The following TNFSF15 variants were observed in gnomAD, a reference collection of about 807,000 sequenced individuals.
TNFSF15 encodes the protein tumor necrosis factor ligand superfamily member 15.
A neutral mutation model predicts 26.4 loss-of-function variants in TNFSF15; 15 were observed. The ratio of observed to expected loss-of-function variants is 0.57; its 90% CI spans 0.38 to 0.87. TNFSF15 has a LOEUF of 0.87. TNFSF15 is among the 40% of genes least tolerant of loss of function. TNFSF15 has a pLI of 0.00. For synonymous variants in TNFSF15, 116 were observed against 115.0 expected (o/e 1.01, Z -0.06); for missense variants, 290 against 306.1 (o/e 0.95, Z 0.39).
Position 114,790,908 on chromosome 9 carries a change from T to A in TNFSF15, c.302-2A>T, listed in dbSNP as rs1829587808. 1.2e-6 allele frequency: 2 copies of A among 1,613,590 alleles called. No homozygotes were observed. Among genetic ancestry groups the A allele is most frequent in the African/African-American group, 1.3e-5 (1 of 74,900 alleles). ...GCTGTGTGGGAGTTTGTCTCACAAC[T>A]GGAAAGACAAGAAAGAGGATTAATT... is the stretch of plus-strand genomic sequence containing the variant. On this transcript the variant is annotated splice_acceptor_variant, in intron 3 of 3. Transcript: ENST00000374045. LOFTEE classifies it high-confidence loss of function.
chr9:114,801,434 A>G (rs1177961153), intron 1 of TNFSF15, among the ~76,000 whole-genome samples: 1 of 152,194 alleles, frequency 6.6e-6, no homozygotes, highest in African/African-American at 2.4e-5. Flanking sequence ...GAGAGAGCTC[A>G]TAAACATGGA....
Position 114,788,037 on chromosome 9 carries a change from T to C in TNFSF15, c.*2415A>G, listed in dbSNP as rs932403736. ...AGCTGCTTGGTGCTCTCACGCACCA[T>C]GAAGACCGGTTCAGAAAGAACATTT... is the stretch of plus-strand genomic sequence containing the variant. On this transcript the variant is annotated 3_prime_UTR_variant, in exon 4 of 4. Transcript: ENST00000374045. 2.6e-5 allele frequency: 4 copies of C among 153,732 alleles called. No homozygotes were observed. Among genetic ancestry groups the C allele is most frequent in the Non-Finnish European group, 5.9e-5 (4 of 68,048 alleles). The allele number at this position is 153,732 out of a possible 1,614,324, so 9.5% of individuals were successfully genotyped here.
intron 2 of TNFSF15, chr9:114,792,668 C>T: frequency 8.5e-7 from 1 of 1,182,550 alleles, no homozygotes; most frequent in Non-Finnish European, 1.2e-6. Flanking sequence ...GAGTCTTGAA[C>T]ACAAATGAAT....
chr9:114,798,680 A>T (rs56339337), intron 1 of TNFSF15, among the ~76,000 whole-genome samples: 2 of 152,094 alleles, frequency 1.3e-5, no homozygotes, highest in Non-Finnish European at 2.9e-5. Context: ...TTGGGATCTG[A>T]ACCTTTAGAC....
intron 3 of TNFSF15, chr9:114,792,123 A>T (rs1298770539): frequency 2.3e-6 from 1 of 430,168 alleles, no homozygotes; most frequent in Non-Finnish European, 4.2e-6. Context: ...TGCTTATTGC[A>T]GCACTATTCA....
intron 1 of TNFSF15, among the ~76,000 whole-genome samples, chr9:114,802,593 TG>T (rs1212738428): frequency 6.6e-6 from 1 of 152,176 alleles, no homozygotes; most frequent in African/African-American, 2.4e-5. Context: ...AAGCATGCTG[TG>T]TTAGCTCTCT....
intron 1 of TNFSF15, among the ~76,000 whole-genome samples, chr9:114,803,690 G>T (rs1053086241): frequency 5.3e-5 from 8 of 152,188 alleles, no homozygotes; most frequent in African/African-American, 1.9e-4. Flanking sequence ...GGTGGGGGAT[G>T]GGGGAGCAGT....
chr9:114,793,527 A>T lies in TNFSF15; in HGVS notation c.252T>A (p.Val84=). The T allele has an allele frequency of 6.2e-7, 1 of 1,613,866 alleles. No individual in the cohort carries two copies. The highest frequency in any genetic ancestry group is 8.5e-7 in the Non-Finnish European group (1 of 1,179,778). The change falls in exon 2 of 4, where the codon GTT becomes GTA. Residue 84 remains valine, a splice_region_variant and synonymous_variant. Coordinates refer to ENST00000374045, the MANE Select transcript of TNFSF15 (RefSeq NM_005118.4). ...GQEFAPSHQQ[V]YAPLRADGDK... is the part of the protein sequence containing the mutation. ...GGCGTTGAAGATGAGCATACTTACAAACTTGCTGATGTGAAGGTGCAAACT... is the reference window on the plus strand; with the variant it reads ...GGCGTTGAAGATGAGCATACTTACATACTTGCTGATGTGAAGGTGCAAACT...
chr9:114,802,937 C>T (rs2131307842), intron 1 of TNFSF15, among the ~76,000 whole-genome samples: 1 of 152,308 alleles, frequency 6.6e-6, no homozygotes, highest in Non-Finnish European at 1.5e-5. Flanking sequence ...CAAATCTCTT[C>T]AATCCCCTGG....
chr9:114,803,659 A>G (rs2131308138), intron 1 of TNFSF15, among the ~76,000 whole-genome samples: 1 of 152,238 alleles, frequency 6.6e-6, no homozygotes, highest in South Asian at 2.1e-4. Context: ...AGCCTGGTCA[A>G]TGGGATTGGA....
At chr9:114,802,980 T>C (rs1181839114) in intron 1 of TNFSF15, among the ~76,000 whole-genome samples, 1 of 152,146 alleles carries the variant, frequency 6.6e-6, no homozygotes, top group East Asian at 1.9e-4. Flanking sequence ...AACTAGGCAC[T>C]TTAGGCTAGC....
chr9:114,795,864 G>C (rs1829666523), intron 1 of TNFSF15, among the ~76,000 whole-genome samples: 1 of 152,178 alleles, frequency 6.6e-6, no homozygotes, highest in Non-Finnish European at 1.5e-5. Context: ...GGATGTAATT[G>C]TGTCATTGCT....
chr9:114,805,688 A>C, intron 1 of TNFSF15, 115 bp downstream of exon 1: 2 of 1,042,502 alleles, frequency 1.9e-6, no homozygotes, highest in South Asian at 3.3e-5. Context: ...TGCATGTAGA[A>C]ACAAGAAATG....
Position 114,789,563 on chromosome 9 carries a change from CT to C in TNFSF15, c.*888del. ...TCCCGGCCTTAGATGATCCACCCAC[CT>C]TGGCCTCCCAAAGTGTTGGGATTAC... is the stretch of plus-strand genomic sequence containing the variant. On this transcript the variant is annotated 3_prime_UTR_variant, in exon 4 of 4. Transcript: ENST00000374045. 6.6e-6 allele frequency: 1 copy of C among 152,398 alleles called. No individual in the cohort carries two copies. The highest frequency in any genetic ancestry group is 1.5e-5 in the Non-Finnish European group (1 of 68,098). 9.4% of individuals were successfully genotyped at this position (152,398 alleles called of 1,614,324 possible).
intron 1 of TNFSF15, among the ~76,000 whole-genome samples, chr9:114,796,972 A>G (rs998161153): frequency 6.6e-6 from 1 of 152,212 alleles, no homozygotes; most frequent in Non-Finnish European, 1.5e-5. Flanking sequence ...CTTCCTTGAT[A>G]TTGACAGAGC....
chr9:114,800,594 T>C (rs1258845654), intron 1 of TNFSF15, among the ~76,000 whole-genome samples: 1 of 152,192 alleles, frequency 6.6e-6, no homozygotes, highest in Non-Finnish European at 1.5e-5. Context: ...AAACCTCAGC[T>C]TCATCATCTC....
rs140689831 is a variant in TNFSF15 at position 114,805,986 on chromosome 9, A to G, written c.27T>C (p.Phe9=). The G allele has an allele frequency of 2.4e-5, 39 of 1,613,902 alleles. No individual in the cohort carries two copies. Among genetic ancestry groups the G allele is most frequent in the Non-Finnish European group, 3.1e-5 (37 of 1,180,024 alleles). MAEDLGLS[F]GETASVEMLP... ...GCATTTCCACACTGGCTGTTTCCCC[A>G]AAGCTCAGTCCCAGATCCTCGGCCA... is the stretch of plus-strand genomic sequence containing the variant. Residue 9 remains phenylalanine, a synonymous_variant, in exon 1 of 4, where the codon TTT becomes TTC. Transcript: ENST00000374045.
At chr9:114,794,662 G>A (rs1467818475) in intron 1 of TNFSF15, among the ~76,000 whole-genome samples, 2 of 152,054 alleles carry the variant, frequency 1.3e-5, no homozygotes, top group East Asian at 3.9e-4. Context: ...ATAAAGAAAA[G>A]GTGGTACCTA....
rs1829638791 is a variant in TNFSF15, at chr9:114,793,673, C to T, written c.211-105G>A. The T allele has an allele frequency of 5.7e-6, 6 of 1,054,702 alleles. No homozygotes were observed. The South Asian group carries it at 8.0e-5, about 14-fold the overall frequency. The allele number at this position is 1,054,702 out of a possible 1,614,324, so 65.3% of individuals were successfully genotyped here. A position where few individuals can be genotyped will look rare whatever the true frequency, so the allele number is the denominator to read the frequency against. ...TGATTACAAAGCTTCTGCTGCCCAG[C>T]CTGGGTACTCTGTGATGAGGGAAAT... On this transcript the variant is annotated intron_variant, in intron 1 of 3. Transcript: ENST00000374045.
Sources: gnomAD v4.1 joint callset for allele counts (sites outside exome capture counted in the v4.1 genomes callset) on GRCh38, gnomAD v4.1.1 for gene constraint, MANE v1.5 for transcripts, NCBI Gene and HGNC (gene_info 2026-07-23, HGNC 2026-07-21) for gene names.